Variants in LUZP2 observed in about 807,000 individuals in gnomAD.
LUZP2 encodes the protein leucine zipper protein 2.
In LUZP2, 52 loss-of-function variants were observed where a neutral mutation model predicts 51.6. The ratio of observed to expected loss-of-function variants is 1.01; its 90% confidence interval spans 0.81 to 1.27. The LOEUF (loss-of-function observed/expected upper bound fraction) is 1.27, where lower values mean the gene tolerates loss of function less well. LUZP2 is among the 50% of genes most tolerant of loss of function. LUZP2 has a pLI of 0.00. For synonymous variants in LUZP2, 154 were observed against 137.3 expected, an observed-to-expected ratio of 1.12 and a Z score of -0.85; for missense variants, 436 against 395.4, an observed-to-expected ratio of 1.10 and a Z score of -0.87.
intron 1 of LUZP2, among the ~76,000 whole-genome samples, chr11:24,709,422 AT>A (rs1386353035): frequency 6.6e-6 from 1 of 152,142 alleles, no homozygotes; most frequent in Admixed American, 6.5e-5. Context: ...AATAAAAGGT[AT>A]TTTTAAAATA....
chr11:24,624,686 G>A (rs1854618285), intron 1 of LUZP2, among the ~76,000 whole-genome samples: 1 of 152,086 alleles, frequency 6.6e-6, no homozygotes, highest in Non-Finnish European at 1.5e-5. Flanking sequence ...TTTTGGAATA[G>A]GAAAGGCATA....
chr11:24,902,104 C>A (rs1305153459), intron 5 of LUZP2, among the ~76,000 whole-genome samples: 1 of 152,078 alleles, frequency 6.6e-6, no homozygotes, highest in African/African-American at 2.4e-5. Context: ...TTAGGAAAAT[C>A]ATTTACATTA....
chr11:24,846,223 A>T (rs1851194010), intron 5 of LUZP2, among the ~76,000 whole-genome samples: 1 of 152,062 alleles, frequency 6.6e-6, no homozygotes. Flanking sequence ...AAAAAATCAA[A>T]TATAAGATTC....
chr11:24,605,888 A>G (rs1222369342), intron 1 of LUZP2, among the ~76,000 whole-genome samples: 1 of 151,332 alleles, frequency 6.6e-6, no homozygotes, highest in African/African-American at 2.4e-5. Context: ...TCTGATAACC[A>G]CCTTTCTATT....
intron 5 of LUZP2, among the ~76,000 whole-genome samples, chr11:24,857,368 T>G (rs1851603257): frequency 6.7e-6 from 1 of 149,700 alleles, no homozygotes; most frequent in African/African-American, 2.4e-5. Context: ...CAAAATTATG[T>G]CAAGTACTGA....
intron 5 of LUZP2, among the ~76,000 whole-genome samples, chr11:24,901,192 C>T (rs1008135883): frequency 3.3e-5 from 5 of 152,010 alleles, no homozygotes; most frequent in African/African-American, 1.2e-4. Context: ...TATATTCTGT[C>T]TAGTCATCTA....
chr11:24,715,464 C>T (rs1176605773), intron 1 of LUZP2, among the ~76,000 whole-genome samples: 1 of 152,100 alleles, frequency 6.6e-6, no homozygotes, highest in Non-Finnish European at 1.5e-5. Flanking sequence ...CTTAAATGAG[C>T]TCAGGGAGTG....
At chr11:24,643,938 T>C (rs771282555) in intron 1 of LUZP2, among the ~76,000 whole-genome samples, 1 of 152,198 alleles carries the variant, frequency 6.6e-6, no homozygotes, top group Non-Finnish European at 1.5e-5. Flanking sequence ...ATGATGTTGA[T>C]ACAACTGATG....
intron 9 of LUZP2, among the ~76,000 whole-genome samples, chr11:25,003,446 G>T (rs1046034893): frequency 1.3e-5 from 2 of 152,188 alleles, no homozygotes; most frequent in Admixed American, 6.5e-5. Context: ...ATTTGAGAGA[G>T]CAGGGTATAG....
chr11:24,738,526 C>T (rs1035515258), intron 4 of LUZP2, among the ~76,000 whole-genome samples: 18 of 152,080 alleles, frequency 1.2e-4, no homozygotes, highest in Non-Finnish European at 1.6e-4. Context: ...TCCCAGCCTA[C>T]TTTAAAGAAT....
intron 8 of LUZP2, among the ~76,000 whole-genome samples, chr11:24,980,495 A>G (rs1404647629): frequency 6.6e-6 from 1 of 151,692 alleles, no homozygotes; most frequent in African/African-American, 2.4e-5. Context: ...GTAACAAAAC[A>G]CTAACCTATA....
chr11:24,781,587 T>TAAGAGAA (rs5790438), intron 5 of LUZP2, among the ~76,000 whole-genome samples: 122,943 of 151,442 alleles, frequency 0.81, 49,986 homozygotes, highest in East Asian at 0.87. Context: ...TAGCCACAGG[T>TAAGAGAA]ACTTTCATTT....
At chr11:24,980,195 C>T (rs1855987149) in intron 8 of LUZP2, among the ~76,000 whole-genome samples, 1 of 151,690 alleles carries the variant, frequency 6.6e-6, no homozygotes, top group Admixed American at 6.6e-5. Flanking sequence ...ACATGAAAAA[C>T]ATCTTGTAAA....
intron 1 of LUZP2, among the ~76,000 whole-genome samples, chr11:24,668,914 C>G (rs1190123951): frequency 6.6e-6 from 1 of 152,066 alleles, no homozygotes; most frequent in Non-Finnish European, 1.5e-5. Context: ...ATACCATTTT[C>G]CAAACATAGG....
In LUZP2 at chr11:24,597,301, A is replaced by G. The variant is rs374399503; in HGVS notation, c.62+99996A>G. ...TATGTGCATTTGACTTTATTATTCA[A>G]TGCATACAGGAATCTCCTGCACAGT... On this transcript the variant is annotated intron_variant, in intron 1 of 11. Transcript: ENST00000336930. Among the ~76,000 whole-genome samples, 3 of 152,336 alleles carry G rather than the reference A, an allele frequency of 2.0e-5. No homozygotes were observed. The East Asian group carries it at 5.8e-4, about 29-fold the overall frequency.
chr11:24,702,289 A>G (rs1001403096), intron 1 of LUZP2, among the ~76,000 whole-genome samples: 1 of 152,226 alleles, frequency 6.6e-6, no homozygotes, highest in African/African-American at 2.4e-5. Flanking sequence ...GACTTTTGCT[A>G]TATGTGTTAA....
At chr11:24,822,241 T>G (rs1181486398) in intron 5 of LUZP2, among the ~76,000 whole-genome samples, 1 of 152,172 alleles carries the variant, frequency 6.6e-6, no homozygotes, top group East Asian at 1.9e-4. Context: ...ATTTCTGTGA[T>G]CTGCTAATAT....
At position 25,077,346 on chromosome 11, in the gene LUZP2, C is replaced by T. The variant is rs1483680047; in HGVS notation, c.876C>T (p.Ser292=). The part of the protein sequence containing the change: ...CDSQDEGRPC[S]MKHKESPPSN... The stretch of plus-strand genomic sequence containing the variant: ...TTTTGTAGGAGGGCAGACCGTGTTC[C>T]ATGAAGCACAAAGAAAGTCCCCCAA... Residue 292 remains serine (S), a synonymous_variant, in exon 11 of 12, where the codon TCC becomes TCT. Coordinates refer to ENST00000336930, the MANE Select transcript of LUZP2 (RefSeq NM_001009909.4). 2 of 1,612,432 alleles carry T rather than the reference C, an allele frequency of 1.2e-6. No individual in the cohort carries two copies. Among genetic ancestry groups the T allele is most frequent in the African/African-American group, 2.7e-5 (2 of 74,824 alleles).
At chr11:24,851,034 A>C (rs1466962583) in intron 5 of LUZP2, among the ~76,000 whole-genome samples, 5 of 151,986 alleles carry the variant, frequency 3.3e-5, no homozygotes, top group Non-Finnish European at 7.4e-5. Flanking sequence ...GGGTTGTCTA[A>C]ATATACAATC....
Sources: gnomAD v4.1 joint callset for allele counts (sites outside exome capture counted in the v4.1 genomes callset) on GRCh38, gnomAD v4.1.1 for gene constraint, MANE v1.5 for transcripts, NCBI Gene and HGNC (gene_info 2026-07-23, HGNC 2026-07-21) for gene names.